The following CDH17 variants were observed in gnomAD, a reference collection of about 807,000 sequenced individuals.
CDH17 encodes the protein cadherin-17.
CDH17 carries 67 observed loss-of-function variants against 86.3 expected under a neutral mutation model. That is an observed-to-expected ratio of 0.78 (90% CI 0.64 to 0.95). The LOEUF (loss-of-function observed/expected upper bound fraction) is 0.95. Ranked by LOEUF, CDH17 falls within the 40% of genes least tolerant of loss-of-function variation. The pLI is 0.00. For missense variants in CDH17, 993 were observed against 1,017.6 expected (o/e 0.98, Z 0.33); for synonymous variants, 367 against 366.4 (o/e 1.00, Z -0.02).
intron 12 of CDH17, among the ~76,000 whole-genome samples, chr8:94,158,400 G>C (rs1812985076): frequency 1.3e-5 from 2 of 152,006 alleles, no homozygotes; most frequent in Admixed American, 6.5e-5. Context: ...CTCCCTAAAA[G>C]GGCCCATTAA....
chr8:94,130,894 C>T lies in CDH17; in HGVS notation c.2266G>A (p.Gly756Ser), dbSNP rs774694145. ...TATCTACCTGGTAAAGAAACAATGC[C>T]TTCCAAGGGTGGCCGACCCCCATCA... ...INDGGRPPLE[G>S]IVSLPVTFCS... The change falls in exon 16 of 18, where the codon GGC becomes AGC. Residue 756 changes from glycine (G) to serine (S), a missense_variant. Coordinates refer to ENST00000027335, the MANE Select transcript of CDH17 (RefSeq NM_004063.4). The T allele has an allele frequency of 6.2e-6, 10 of 1,606,768 alleles. No homozygotes were observed. Among genetic ancestry groups the T allele is most frequent in the Admixed American group, 3.3e-5 (2 of 59,972 alleles).
intron 1 of CDH17, among the ~76,000 whole-genome samples, chr8:94,198,940 G>A (rs1317118085): frequency 6.6e-6 from 1 of 151,380 alleles, no homozygotes; most frequent in Non-Finnish European, 1.5e-5. Flanking sequence ...AAGGGGTACA[G>A]GTTCTATCTT....
upstream of CDH17, among the ~76,000 whole-genome samples, chr8:94,209,484 A>T (rs577670165): frequency 2.0e-5 from 3 of 152,324 alleles, no homozygotes; most frequent in East Asian, 5.8e-4. Context: ...AAGAGAGCCC[A>T]GCCCACTCTC....
chr8:94,168,369 CCT>C (rs1813207231), intron 9 of CDH17, among the ~76,000 whole-genome samples: 1 of 149,150 alleles, frequency 6.7e-6, no homozygotes. Flanking sequence ...GAACTCCTGG[CCT>C]CAAGTGATCT....
Position 94,148,722 on chromosome 8 carries a change from T to TG in CDH17, c.1927+21_1927+22insC, listed in dbSNP as rs1491199223. 5 of 264,326 alleles carry TG rather than the reference T, an allele frequency of 1.9e-5. No individual in the cohort carries two copies. In the East Asian group the frequency reaches 4.4e-4, roughly 24 times the overall value. 16.4% of individuals were successfully genotyped at this position (264,326 alleles called of 1,614,324 possible). Reference sequence around the variant, plus strand: ...GATAATCTGTGTTCCTTTTTTTTTGTTTTTTTTTTTTTTTTGCTTACCTAC... The same window carrying TG: ...GATAATCTGTGTTCCTTTTTTTTTGTGTTTTTTTTTTTTTTTGCTTACCTAC... On this transcript the variant is annotated intron_variant, in intron 14 of 17. Coordinates refer to ENST00000027335, the MANE Select transcript of CDH17 (RefSeq NM_004063.4).
rs1563569483 is a variant in CDH17, at chr8:94,148,731, T to G, written c.1927+13A>C. On this transcript the variant is annotated intron_variant, in intron 14 of 17. Coordinates refer to ENST00000027335, the MANE Select transcript of CDH17 (RefSeq NM_004063.4). ...TGTTCCTTTTTTTTTGTTTTTTTTT[T>G]TTTTTTGCTTACCTACTTCTGTGGC... 5.6e-6 allele frequency: 8 copies of G among 1,440,450 alleles called. No homozygotes were observed. Among genetic ancestry groups the G allele is most frequent in the African/African-American group, 1.5e-5 (1 of 67,254 alleles). The allele number at this position is 1,440,450 out of a possible 1,614,324, so 89.2% of individuals were successfully genotyped here.
At chr8:94,142,434 A>C (rs1812658205) in intron 15 of CDH17, among the ~76,000 whole-genome samples, 1 of 152,250 alleles carries the variant, frequency 6.6e-6, no homozygotes, top group African/African-American at 2.4e-5. Context: ...TTTTTGCTGC[A>C]AATCATTTCC....
At chr8:94,176,131 C>T (rs1813366280) in intron 5 of CDH17, among the ~76,000 whole-genome samples, 1 of 152,134 alleles carries the variant, frequency 6.6e-6, no homozygotes, top group Non-Finnish European at 1.5e-5. Flanking sequence ...TTCTCAAACT[C>T]CTGGCTGAAG....
chr8:94,130,915 C>A lies in CDH17; in HGVS notation c.2245G>T (p.Gly749Trp). Reference sequence around the variant, plus strand: ...ATGCCTTCCAAGGGTGGCCGACCCCCATCATTGATGCGGATCAAGACGACA... The same window carrying A: ...ATGCCTTCCAAGGGTGGCCGACCCCAATCATTGATGCGGATCAAGACGACA... ...EYVVLIRINDGGRPPLEGIVS... is the reference protein window; with the variant it reads ...EYVVLIRINDWGRPPLEGIVS... Residue 749 changes from glycine (G) to tryptophan (W), a missense_variant, in exon 16 of 18, where the codon GGG (glycine) becomes TGG (tryptophan). Physicochemically the swap from Gly to Trp is radical, Grantham distance 184. Transcript: ENST00000027335. 6.2e-7 allele frequency: 1 copy of A among 1,611,812 alleles called. No individual in the cohort carries two copies. Among genetic ancestry groups the A allele is most frequent in the Non-Finnish European group, 8.5e-7 (1 of 1,177,920 alleles).
Position 94,170,522 on chromosome 8 carries a change from T to G in CDH17, c.941A>C (p.Asp314Ala). The G allele has an allele frequency of 1.2e-6, 2 of 1,613,822 alleles. No homozygotes were observed. Among genetic ancestry groups the G allele is most frequent in the Non-Finnish European group, 1.7e-6 (2 of 1,179,824 alleles). Reference protein sequence around the residue: ...DAYVFYAVAKDEYGKPLSYPL... With the variant: ...DAYVFYAVAKAEYGKPLSYPL... ...ATATGAAAGTGGTTTTCCGTACTCA[T>G]CCTTTGCAACTGCATAAAAAACATA... The change falls in exon 9 of 18, where the codon GAT becomes GCT. Residue 314 changes from aspartate to alanine, a missense_variant. Physicochemically the swap from Asp to Ala is moderately radical, Grantham distance 126. Transcript: ENST00000027335.
At chr8:94,191,259 A>C (rs572570779) in intron 2 of CDH17, among the ~76,000 whole-genome samples, 10 of 152,282 alleles carry the variant, frequency 6.6e-5, no homozygotes, top group Admixed American at 2.6e-4. Context: ...GAACCCTGAG[A>C]GGACAAACCA....
intron 13 of CDH17, among the ~76,000 whole-genome samples, chr8:94,149,886 A>G (rs1812826177): frequency 6.6e-6 from 1 of 152,238 alleles, no homozygotes; most frequent in Non-Finnish European, 1.5e-5. Context: ...AAAGCAACAC[A>G]TCATAGTCAT....
intron 15 of CDH17, among the ~76,000 whole-genome samples, chr8:94,133,643 C>T (rs2130569391): frequency 6.6e-6 from 1 of 152,228 alleles, no homozygotes; most frequent in Admixed American, 6.5e-5. Flanking sequence ...ATTGAATACC[C>T]TTTATTTCTT....
chr8:94,151,805 T>G, intron 13 of CDH17, 63 bp downstream of exon 13: 1 of 1,604,338 alleles, frequency 6.2e-7, no homozygotes, highest in Non-Finnish European at 8.5e-7. Flanking sequence ...GGCCAGCTCC[T>G]CCTCCTCCCC....
intron 16 of CDH17, 48 bp from the exon 17 acceptor site, chr8:94,130,787 T>C: frequency 6.5e-7 from 1 of 1,535,652 alleles, no homozygotes; most frequent in Non-Finnish European, 9.0e-7. Context: ...AAGTGAATAG[T>C]TGCAGAATCC....
upstream of CDH17, among the ~76,000 whole-genome samples, chr8:94,210,477 C>A (rs1230810814): frequency 1.3e-5 from 2 of 152,088 alleles, no homozygotes; most frequent in Non-Finnish European, 2.9e-5. Context: ...CTGTGGGATA[C>A]CAGGTTAACA....
Position 94,148,813 on chromosome 8 carries a change from A to C in CDH17, c.1858T>G (p.Phe620Val), listed in dbSNP as rs1373958001. 6.2e-7 allele frequency: 1 copy of C among 1,610,172 alleles called. No homozygotes were observed. The highest frequency in any genetic ancestry group is 8.5e-7 in the Non-Finnish European group (1 of 1,178,610). Residue 620 changes from phenylalanine to valine, a missense_variant, in exon 14 of 18, where the codon TTT becomes GTT. Transcript: ENST00000027335. Reference protein sequence around the residue: ...LKIDHVTGEIFSVAPLDREAG... With the variant: ...LKIDHVTGEIVSVAPLDREAG... ...TCTCTGTCCAATGGAGCCACACTAAAGATCTCACCAGTCACGTGGTCAATT... is the reference window on the plus strand; with the variant it reads ...TCTCTGTCCAATGGAGCCACACTAACGATCTCACCAGTCACGTGGTCAATT...
chr8:94,152,652 C>A (rs1812878163), intron 12 of CDH17, among the ~76,000 whole-genome samples: 1 of 152,170 alleles, frequency 6.6e-6, no homozygotes, highest in Non-Finnish European at 1.5e-5. Context: ...CCCACCTTGG[C>A]CTCCCAAAGG....
At chr8:94,129,460 C>G (rs1812367555) in intron 17 of CDH17, among the ~76,000 whole-genome samples, 2 of 129,708 alleles carry the variant, frequency 1.5e-5, no homozygotes, top group Admixed American at 1.5e-4. Flanking sequence ...AGTGAGACCC[C>G]CTTTAGATGC....
Sources: gnomAD v4.1 joint callset for allele counts (sites outside exome capture counted in the v4.1 genomes callset) on GRCh38, gnomAD v4.1.1 for gene constraint, MANE v1.5 for transcripts, NCBI Gene and HGNC (gene_info 2026-07-23, HGNC 2026-07-21) for gene names.